TMEM63A: variants seen among roughly 807,000 people sequenced by gnomAD.
The protein encoded by TMEM63A is transmembrane protein 63A, also known as mechanosensitive cation channel TMEM63A.
In TMEM63A, 76 loss-of-function variants were observed where a neutral mutation model predicts 100.6. That is an observed-to-expected ratio of 0.76 (90% CI 0.63 to 0.91). The LOEUF (loss-of-function observed/expected upper bound fraction) is 0.91. Ranked by LOEUF, TMEM63A falls within the 40% of genes least tolerant of loss-of-function variation. TMEM63A has a pLI of 0.00. For missense variants in TMEM63A, 876 were observed against 1,008.8 expected (o/e 0.87, Z 1.78); for synonymous variants, 401 against 401.1 (o/e 1.00, Z 0.00).
At chr1:225,850,905 G>A (rs1408471534) in intron 20 of TMEM63A, among the ~76,000 whole-genome samples, 1 of 152,078 alleles carries the variant, frequency 6.6e-6, no homozygotes, top group Non-Finnish European at 1.5e-5. Context: ...TAGAGATAGG[G>A]TTTCACCATG....
At chr1:225,871,500 CTGCAGGT>C (rs1670505789) in intron 5 of TMEM63A, 1 of 219,648 alleles carries the variant, frequency 4.6e-6, no homozygotes, top group Non-Finnish European at 9.1e-6. Flanking sequence ...GAAAGGGTGT[CTGCAGGT>C]TTTATTGTCC....
intron 6 of TMEM63A, 26 bp downstream of exon 6, chr1:225,871,050 C>T (rs1670485591): frequency 6.2e-7 from 1 of 1,613,078 alleles, no homozygotes; most frequent in African/African-American, 1.3e-5. Context: ...AAAGGCCCCC[C>T]AGCAGCTGCC....
intron 13 of TMEM63A, chr1:225,861,705 TC>T (rs1669946735): frequency 5.9e-6 from 1 of 168,276 alleles, no homozygotes; most frequent in Non-Finnish European, 1.3e-5. Flanking sequence ...GAGCCTAGAG[TC>T]CCATGCCAAG....
At chr1:225,851,044 C>G (rs1161123920) in intron 20 of TMEM63A, among the ~76,000 whole-genome samples, 3 of 152,096 alleles carry the variant, frequency 2.0e-5, no homozygotes, top group Non-Finnish European at 4.4e-5. Flanking sequence ...GGGTCAGGGT[C>G]TGTGGGACAG....
In TMEM63A at chr1:225,856,938, G is replaced by A. The variant is rs1168141825; in HGVS notation, c.1457C>T (p.Ser486Phe). 6.2e-7 allele frequency: 1 copy of A among 1,608,944 alleles called. No individual in the cohort carries two copies. Among genetic ancestry groups the A allele is most frequent in the East Asian group, 2.2e-5 (1 of 44,826 alleles). Residue 486 changes from serine (S) to phenylalanine (F), a missense_variant, in exon 16 of 25, where the codon TCT (serine) becomes TTT (phenylalanine). By Grantham distance (155) the Ser-to-Phe change is radical. Around this residue, in one of 5 missense-constraint regions of TMEM63A, gnomAD observed 487 missense variants for 581.9 expected, o/e 0.84. Transcript: ENST00000366835. ...SALLPSIVYY[S>F]TLLESHWTKS... Reference sequence around the variant, plus strand: ...GGTCCAGTGAGACTCCAGCAGTGTAGAGTAGTAGACAATGGAGGGGAGCAG... The same window carrying A: ...GGTCCAGTGAGACTCCAGCAGTGTAAAGTAGTAGACAATGGAGGGGAGCAG...
intron 14 of TMEM63A, chr1:225,859,561 T>C (rs1669828277): frequency 3.3e-6 from 2 of 603,434 alleles, no homozygotes; most frequent in African/African-American, 1.9e-5. Flanking sequence ...AGCTAAAGTC[T>C]GGGGGCCAGA....
At position 225,859,366 on chromosome 1, in the gene TMEM63A, G is replaced by A. The variant is rs372804635; in HGVS notation, c.1224-17C>T. 30 of 1,612,974 alleles carry A rather than the reference G, an allele frequency of 1.9e-5. No homozygotes were observed. In the African/African-American group the frequency reaches 2.9e-4, roughly 16 times the overall value. On this transcript the variant is annotated splice_polypyrimidine_tract_variant and intron_variant, in intron 14 of 24. Transcript: ENST00000366835. The stretch of plus-strand genomic sequence containing the variant: ...AGGTTCTTCCTGCAGCGGGAGAGGG[G>A]ATACAGGTCTCGAGGCTTGTCTCCC...
chr1:225,857,629 T>G (rs761667353), intron 15 of TMEM63A, among the ~76,000 whole-genome samples: 66 of 152,112 alleles, frequency 4.3e-4, no homozygotes, highest in Non-Finnish European at 8.5e-4. Context: ...CGCTGTTAAT[T>G]AGATGAGAGT....
At chr1:225,882,059 G>A (rs1007792380) in intron 1 of TMEM63A, among the ~76,000 whole-genome samples, 5 of 152,252 alleles carry the variant, frequency 3.3e-5, no homozygotes, top group African/African-American at 7.2e-5. Context: ...AGCCCTGAAA[G>A]CGAAAAGCCG....
chr1:225,877,380 C>T lies in TMEM63A; in HGVS notation c.186+15G>A, dbSNP rs1358718747. 1.2e-6 allele frequency: 2 copies of T among 1,605,296 alleles called. No homozygotes were observed. The highest frequency in any genetic ancestry group is 2.2e-5 in the South Asian group (2 of 90,556). On this transcript the variant is annotated intron_variant, in intron 3 of 24. Transcript: ENST00000366835. ...ATAACTGAGGCAGTGGGACACGACT[C>T]ATGAGGGCTCTCACCAGGAAGCAGC...
At chr1:225,842,842 G>C (rs1045991517), downstream of TMEM63A, among the ~76,000 whole-genome samples, 3 of 152,214 alleles carry the variant, frequency 2.0e-5, no homozygotes, top group African/African-American at 7.2e-5. Context: ...AGGGTCACGT[G>C]ACTGCGTGTT....
chr1:225,850,386 T>C (rs1467407331), intron 20 of TMEM63A, among the ~76,000 whole-genome samples: 1 of 152,186 alleles, frequency 6.6e-6, no homozygotes, highest in Admixed American at 6.5e-5. Context: ...GAGGTTTGCA[T>C]AGCTTCAGTA....
intron 3 of TMEM63A, 142 bp downstream of exon 3, chr1:225,877,253 A>G (rs550140560): frequency 9.9e-6 from 9 of 906,784 alleles, no homozygotes; most frequent in Non-Finnish European, 1.4e-5. Flanking sequence ...TAACACGCCT[A>G]AGTCACAGAG....
At chr1:225,854,269 C>G (rs1258928092) in intron 18 of TMEM63A, among the ~76,000 whole-genome samples, 1 of 152,160 alleles carries the variant, frequency 6.6e-6, no homozygotes, top group Non-Finnish European at 1.5e-5. Context: ...AGGGGCTGGA[C>G]AGCAGTGGGC....
intron 10 of TMEM63A, among the ~76,000 whole-genome samples, chr1:225,863,567 A>G (rs746369688): frequency 6.6e-6 from 1 of 152,152 alleles, no homozygotes; most frequent in Non-Finnish European, 1.5e-5. Flanking sequence ...CAGACCTTTC[A>G]GAGGGTCTAA....
In TMEM63A at chr1:225,867,466, C is replaced by T. The variant is rs960076123; in HGVS notation, c.515-303G>A. ...ACCAACGTTGGGAACCACTGGGTAT[C>T]CTAAGTGGATTCATGGTGGCATTTT... On this transcript the variant is annotated intron_variant, in intron 7 of 24. Coordinates refer to ENST00000366835, the MANE Select transcript of TMEM63A (RefSeq NM_014698.3). This position sits in a 1 kb window ranked among gnomAD's most constrained non-coding sequence, Gnocchi z 4.6. 1.2e-4 allele frequency among the ~76,000 whole-genome samples: 18 copies of T among 152,146 alleles called. No homozygotes were observed. Among genetic ancestry groups the T allele is most frequent in the Admixed American group, 2.0e-4 (3 of 15,262 alleles).
intron 3 of TMEM63A, among the ~76,000 whole-genome samples, chr1:225,876,063 CAAAAAAAAAAAAAAAAAAAA>C (rs532420561): frequency 0.017 from 576 of 32,956 alleles, 21 homozygotes; most frequent in African/African-American, 0.064. Flanking sequence ...GACCTTGTCT[CAAAAAAAAAAAAAAAAAAAA>C]AAAAAAAAAA....
At chr1:225,844,465 C>G, downstream of TMEM63A, 1 of 1,608,806 alleles carries the variant, frequency 6.2e-7, no homozygotes, top group African/African-American at 1.3e-5. Context: ...GCATGTGGCA[C>G]TGAGAGTGGG....
At chr1:225,859,764 C>T (rs566022763) in intron 14 of TMEM63A, 1 of 190,436 alleles carries the variant, frequency 5.3e-6, no homozygotes, top group Admixed American at 5.3e-5. Flanking sequence ...TCCTGCTCAG[C>T]CTCCCATGTA....
Sources: allele counts gnomAD v4.1 joint callset (sites outside exome capture counted in the v4.1 genomes callset), GRCh38; gene constraint gnomAD v4.1.1; regional missense constraint gnomAD v4.1.1; non-coding constraint Gnocchi (gnomAD v3.1); transcripts MANE v1.5; gene names NCBI Gene and HGNC (gene_info 2026-07-23, HGNC 2026-07-21).